The following SLC22A24 variants were observed in gnomAD, a reference collection of about 807,000 sequenced individuals.
SLC22A24 encodes the protein steroid transmembrane transporter SLC22A24.
A neutral mutation model predicts 49.8 loss-of-function variants in SLC22A24; 53 were observed. That is an observed-to-expected ratio of 1.06 (90% CI 0.85 to 1.34). The LOEUF is 1.34. Among genes scored for constraint, SLC22A24 ranks in the 40% most tolerant of loss-of-function variants. The pLI, the probability that SLC22A24 is intolerant of heterozygous loss-of-function variation, is 0.00. For missense variants in SLC22A24, 786 were observed against 675.9 expected, an observed-to-expected ratio of 1.16 and a Z score of -1.81; for synonymous variants, 302 against 256.4, an observed-to-expected ratio of 1.18 and a Z score of -1.70.
chr11:63,092,823 A>G (rs1338351491), intron 6 of SLC22A24, among the ~76,000 whole-genome samples: 1 of 152,126 alleles, frequency 6.6e-6, no homozygotes, highest in Admixed American at 6.5e-5. Context: ...CAATTGAAAC[A>G]AAAGTCAAAA....
intron 5 of SLC22A24, 62 bp from the exon 6 acceptor site, chr11:63,096,168 G>A (rs1010088555): frequency 6.5e-6 from 7 of 1,070,394 alleles, no homozygotes; most frequent in Admixed American, 2.0e-5. Context: ...AGGCATAGTG[G>A]TAAGTACTAG....
intron 4 of SLC22A24, among the ~76,000 whole-genome samples, chr11:63,115,086 G>C (rs1590741259): frequency 6.6e-6 from 1 of 152,268 alleles, no homozygotes; most frequent in African/African-American, 2.4e-5. Flanking sequence ...GAGAACCACT[G>C]GTCTCTTCAA....
chr11:63,116,300 G>A (rs1033459970), intron 4 of SLC22A24: 4 of 244,046 alleles, frequency 1.6e-5, no homozygotes, highest in South Asian at 2.1e-4. Context: ...GCCATTTTTC[G>A]GACTGGTTGT....
At chr11:63,100,381 A>G (rs1249570754) in intron 5 of SLC22A24, among the ~76,000 whole-genome samples, 2 of 152,140 alleles carry the variant, frequency 1.3e-5, no homozygotes, top group Non-Finnish European at 1.5e-5. Flanking sequence ...GAGCTCTACA[A>G]TGAAAACTAT....
chr11:63,123,778 T>G (rs1431532535), intron 2 of SLC22A24, among the ~76,000 whole-genome samples: 2 of 152,182 alleles, frequency 1.3e-5, no homozygotes, highest in African/African-American at 4.8e-5. Context: ...TGTCTCTACC[T>G]CTAAAACATT....
At chr11:63,082,211 T>C (rs992076341) in intron 7 of SLC22A24, among the ~76,000 whole-genome samples, 4 of 152,180 alleles carry the variant, frequency 2.6e-5, no homozygotes, top group African/African-American at 9.7e-5. Context: ...CTGGGTTTAT[T>C]TGGGAGTGGA....
chr11:63,136,815 G>C lies in SLC22A24; in HGVS notation c.403-2047C>G, dbSNP rs180854982. 1.4e-3 allele frequency among the ~76,000 whole-genome samples: 207 copies of C among 152,304 alleles called. No individual in the cohort carries two copies. The Middle Eastern group carries it at 0.014, about 10-fold the overall frequency. On this transcript the variant is annotated intron_variant, in intron 1 of 9. Coordinates refer to ENST00000612278, the MANE Select transcript of SLC22A24 (RefSeq NM_001136506.2). ...AGAAGCCAGCCCAAGTGGTCGCCTAGTTCTCTTGGACTGGTGGCTGACTCT... is the reference window on the plus strand; with the variant it reads ...AGAAGCCAGCCCAAGTGGTCGCCTACTTCTCTTGGACTGGTGGCTGACTCT...
intron 1 of SLC22A24, among the ~76,000 whole-genome samples, chr11:63,138,367 A>C (rs1404154996): frequency 6.6e-6 from 1 of 152,138 alleles, no homozygotes; most frequent in Non-Finnish European, 1.5e-5. Flanking sequence ...GAGGCCGGGT[A>C]CGTGGTGGCT....
chr11:63,119,479 A>G, intron 2 of SLC22A24, 144 bp from the exon 3 acceptor site: 2 of 763,604 alleles, frequency 2.6e-6, no homozygotes, highest in Non-Finnish European at 4.1e-6. Context: ...TAATTATATT[A>G]GTGAGCAGCA....
At chr11:63,132,368 T>G (rs1590749840) in intron 2 of SLC22A24, among the ~76,000 whole-genome samples, 5 of 152,266 alleles carry the variant, frequency 3.3e-5, no homozygotes, top group Admixed American at 3.3e-4. Flanking sequence ...GGCACTCTGG[T>G]TTTTAGAATT....
rs1565320671 is a variant in SLC22A24, at chr11:63,080,000, G to A, written c.1599C>T (p.Asp533=). The A allele has an allele frequency of 2.6e-6, 4 of 1,527,434 alleles. No individual in the cohort carries two copies. Among genetic ancestry groups the A allele is most frequent in the Non-Finnish European group, 3.6e-6 (4 of 1,125,580 alleles). 94.6% of individuals were successfully genotyped at this position (1,527,434 alleles called of 1,614,324 possible). A position where few individuals can be genotyped will look rare whatever the true frequency, so the allele number is the denominator to read the frequency against. ...GCTTTATGTTTCTTGAATCTTTTCT[G>A]CTGAGAAATAGAAATGCAAACAAAA... ...LPNTIQDVEN[D]RKDSRNIKQE... The change falls in exon 10 of 10, where the codon GAC becomes GAT. Residue 533 remains aspartate (D), a splice_region_variant and synonymous_variant. Transcript: ENST00000612278.
Position 63,143,638 on chromosome 11 carries a change from G to A in SLC22A24, c.142C>T (p.Arg48Cys), listed in dbSNP as rs143841916. The A allele has an allele frequency of 5.3e-5, 84 of 1,596,562 alleles. No individual in the cohort carries two copies. The African/African-American group carries it at 7.0e-4, about 13-fold the overall frequency. Residue 48 changes from arginine (R) to cysteine (C), a missense_variant, in exon 1 of 10, where the codon CGC becomes TGC. By Grantham distance (180) the Arg-to-Cys change is radical. Transcript: ENST00000612278. ...ENFTAFTPSH[R>C]CWVPLLDNDT... Reference sequence around the variant, plus strand: ...TTGTCCAGGAGGGGGACCCAGCAGCGATGACTAGGGGTGAATGCAGTGAAG... The same window carrying A: ...TTGTCCAGGAGGGGGACCCAGCAGCAATGACTAGGGGTGAATGCAGTGAAG...
At chr11:63,106,879 T>A (rs2087125198) in intron 4 of SLC22A24, among the ~76,000 whole-genome samples, 1 of 152,192 alleles carries the variant, frequency 6.6e-6, no homozygotes, top group Admixed American at 6.5e-5. Context: ...TTTTTTAGGT[T>A]GCCTGTTCAC....
chr11:63,089,928 A>C (rs1343611504), intron 6 of SLC22A24, among the ~76,000 whole-genome samples: 2 of 151,820 alleles, frequency 1.3e-5, no homozygotes, highest in African/African-American at 2.4e-5. Context: ...AAAAATACAA[A>C]AAATTAGCCA....
chr11:63,115,768 C>A, intron 4 of SLC22A24: 3 of 142,820 alleles, frequency 2.1e-5, no homozygotes, highest in Non-Finnish European at 3.0e-5. Flanking sequence ...TTTTTTTTTT[C>A]AGGTTTACTT....
intron 2 of SLC22A24, among the ~76,000 whole-genome samples, chr11:63,122,338 T>C: frequency 6.6e-6 from 1 of 152,162 alleles, no homozygotes; most frequent in Non-Finnish European, 1.5e-5. Flanking sequence ...GTCTGAAAGA[T>C]GGGTGCCCTG....
intron 1 of SLC22A24, 68 bp from the exon 2 acceptor site, chr11:63,134,836 C>T: frequency 1.9e-6 from 2 of 1,080,590 alleles, no homozygotes; most frequent in Non-Finnish European, 2.8e-6. Flanking sequence ...GAAACTGACT[C>T]CAAACTCCTA....
In SLC22A24 at chr11:63,081,627, A is replaced by G; in HGVS notation, c.1325T>C (p.Ile442Thr). The G allele has an allele frequency of 6.4e-7, 1 of 1,551,592 alleles. No homozygotes were observed. ...GTTGCTAGCAGCAGAAACACTACCA[A>G]TTCCCAAAGTTGCTAAAACCACACG... ...ILRVVLATLGIGSVSAASNSA... is the reference protein window; with the variant it reads ...ILRVVLATLGTGSVSAASNSA... Residue 442 changes from isoleucine to threonine, a missense_variant, in exon 8 of 10, where the codon ATT becomes ACT. By Grantham distance (89) the Ile-to-Thr change is moderately conservative (BLOSUM62 -1). Transcript: ENST00000612278.
chr11:63,122,885 A>G (rs905584361), intron 2 of SLC22A24, among the ~76,000 whole-genome samples: 1 of 152,182 alleles, frequency 6.6e-6, no homozygotes, highest in Non-Finnish European at 1.5e-5. Context: ...TGATGTTTCA[A>G]TACTTATAAT....
Sources: gnomAD v4.1 joint callset for allele counts (sites outside exome capture counted in the v4.1 genomes callset) on GRCh38, gnomAD v4.1.1 for gene constraint, MANE v1.5 for transcripts, NCBI Gene and HGNC (gene_info 2026-07-23, HGNC 2026-07-21) for gene names.